The following CTF1 variants were observed in gnomAD, a reference collection of about 807,000 sequenced individuals.
CTF1 encodes the protein cardiotrophin 1, also known as cardiotrophin-1.
In CTF1, 9 loss-of-function variants were observed where a neutral mutation model predicts 10.9. The observed-to-expected ratio is 0.83, with a 90% CI of 0.50 to 1.44. The LOEUF (loss-of-function observed/expected upper bound fraction) is 1.44. CTF1 is among the 40% of genes most tolerant of loss of function. The probability of loss-of-function intolerance (pLI) is 0.00; values close to 1 mark genes in which losing one functional copy is unlikely to be tolerated. For synonymous variants in CTF1, 133 were observed against 138.8 expected (o/e 0.96, Z 0.29); for missense variants, 259 against 275.3 (o/e 0.94, Z 0.42).
upstream of CTF1, among the ~76,000 whole-genome samples, chr16:30,896,152 A>G (rs1181787782): frequency 6.6e-6 from 1 of 152,022 alleles, no homozygotes; most frequent in Non-Finnish European, 1.5e-5. Flanking sequence ...TGAGATTGGA[A>G]GCCATCTAAG....
At chr16:30,900,448 G>C (rs2055391331) in intron 2 of CTF1, among the ~76,000 whole-genome samples, 1 of 152,156 alleles carries the variant, frequency 6.6e-6, no homozygotes, top group Non-Finnish European at 1.5e-5. Flanking sequence ...GCAGCGGATA[G>C]TGGGAGAATA....
At chr16:30,901,183 G>T (rs1276330614) in intron 2 of CTF1, among the ~76,000 whole-genome samples, 3 of 152,136 alleles carry the variant, frequency 2.0e-5, no homozygotes, top group African/African-American at 4.8e-5. Context: ...GTGAGTCACC[G>T]TGCCCAGCCC....
At chr16:30,899,334 C>T in intron 1 of CTF1, 81 bp from the exon 2 acceptor site, 1 of 894,356 alleles carries the variant, frequency 1.1e-6, no homozygotes, top group Non-Finnish European at 1.9e-6. Context: ...CTGATGGGGT[C>T]AGGAACAAAG....
Position 30,902,226 on chromosome 16 carries a change from C to T in CTF1, c.293C>T (p.Pro98Leu), listed in dbSNP as rs1567331279. The change falls in exon 3 of 3, where the codon CCC becomes CTC. Residue 98 changes from proline (P) to leucine (L), a missense_variant. By Grantham distance (98) the Pro-to-Leu change is moderately conservative. Transcript: ENST00000279804. ...RLDAAALAAL[P>L]PLLDAVCRRQ... ...GACGCGGCGGCGCTGGCCGCGCTGC[C>T]CCCGCTGCTGGACGCAGTGTGTCGC... 3 of 1,145,320 alleles carry T rather than the reference C, an allele frequency of 2.6e-6. No individual in the cohort carries two copies. The highest frequency in any genetic ancestry group is 3.2e-6 in the Non-Finnish European group (3 of 935,108). 70.9% of individuals were successfully genotyped at this position (1,145,320 alleles called of 1,614,324 possible). A position where few individuals can be genotyped will look rare whatever the true frequency, so the allele number is the denominator to read the frequency against.
upstream of CTF1, among the ~76,000 whole-genome samples, chr16:30,896,444 G>A (rs1567329279): frequency 1.3e-5 from 2 of 152,092 alleles, no homozygotes; most frequent in East Asian, 3.9e-4. Context: ...CTTCCCCCTC[G>A]GGCCCCTTCC....
chr16:30,901,684 C>T lies in CTF1; in HGVS notation c.145-394C>T, dbSNP rs529510805. ...ACCTCCTGGGCTCAAGCAATCCTCCCACCTCAGCCTCAGCCTCCGGAACAG... is the reference window on the plus strand; with the variant it reads ...ACCTCCTGGGCTCAAGCAATCCTCCTACCTCAGCCTCAGCCTCCGGAACAG... On this transcript the variant is annotated intron_variant, in intron 2 of 2. Transcript: ENST00000279804. Among the ~76,000 whole-genome samples the T allele has an allele frequency of 3.3e-5, 5 of 151,978 alleles. No individual in the cohort carries two copies. The South Asian group carries it at 1.0e-3, about 32-fold the overall frequency.
intron 1 of CTF1, among the ~76,000 whole-genome samples, chr16:30,897,089 C>T (rs2055358715): frequency 7.9e-6 from 1 of 126,850 alleles, no homozygotes. Flanking sequence ...GTCTGGGCTG[C>T]TGAGGATCGC....
intron 2 of CTF1, among the ~76,000 whole-genome samples, chr16:30,901,513 G>GCCCT (rs1233274978): frequency 6.6e-6 from 1 of 152,126 alleles, no homozygotes; most frequent in Non-Finnish European, 1.5e-5. Flanking sequence ...CTGGGACCAG[G>GCCCT]CCCTGTCTTG....
chr16:30,896,096 G>A (rs1194569712), upstream of CTF1, among the ~76,000 whole-genome samples: 1 of 151,894 alleles, frequency 6.6e-6, no homozygotes, highest in African/African-American at 2.4e-5. Context: ...GGCCTGCTAA[G>A]AAGAGGAGAG....
intron 2 of CTF1, 88 bp from the exon 3 acceptor site, chr16:30,901,990 A>AC: frequency 8.5e-7 from 1 of 1,179,598 alleles, no homozygotes; most frequent in Admixed American, 3.9e-5. Flanking sequence ...GGAAACTGAC[A>AC]CCCCCAGAGA....
intron 1 of CTF1, among the ~76,000 whole-genome samples, chr16:30,899,085 G>C (rs1432087790): frequency 6.6e-6 from 1 of 152,002 alleles, no homozygotes; most frequent in Admixed American, 6.6e-5. Context: ...GTAGCAGGCT[G>C]TACCACCTAG....
intron 1 of CTF1, among the ~76,000 whole-genome samples, chr16:30,897,714 G>A (rs915172299): frequency 6.6e-6 from 1 of 152,072 alleles, no homozygotes; most frequent in African/African-American, 2.4e-5. Flanking sequence ...AATTAACCGG[G>A]CATGGTGGCG....
Position 30,902,460 on chromosome 16 carries a change from G to T in CTF1, c.527G>T (p.Arg176Leu). The change falls in exon 3 of 3, where the codon CGC becomes CTC. Residue 176 changes from arginine (R) to leucine (L), a missense_variant. Transcript: ENST00000279804. Reference sequence around the variant, plus strand: ...TTCCCCGCCAAGGTGCTGGGGCTCCGCGTTTGCGGCCTCTACCGCGAGTGG... The same window carrying T: ...TTCCCCGCCAAGGTGCTGGGGCTCCTCGTTTGCGGCCTCTACCGCGAGTGG... The part of the protein sequence containing the change: ...GVFPAKVLGL[R>L]VCGLYREWLS... 6.8e-7 allele frequency: 1 copy of T among 1,472,164 alleles called. No homozygotes were observed. Among genetic ancestry groups the T allele is most frequent in the Non-Finnish European group, 9.0e-7 (1 of 1,115,316 alleles). The allele number at this position is 1,472,164 out of a possible 1,614,324, so 91.2% of individuals were successfully genotyped here.
intron 1 of CTF1, among the ~76,000 whole-genome samples, chr16:30,897,585 A>C (rs1002629083): frequency 2.2e-4 from 33 of 152,280 alleles, no homozygotes; most frequent in African/African-American, 7.9e-4. Flanking sequence ...ACAGTCATGC[A>C]CTGCATAACA....
chr16:30,896,457 C>G (rs958012958), upstream of CTF1: 2 of 500,368 alleles, frequency 4.0e-6, no homozygotes, highest in African/African-American at 2.0e-5. Context: ...CCCCTTCCCC[C>G]ACTAGGCCCC....
intron 1 of CTF1, among the ~76,000 whole-genome samples, chr16:30,897,588 G>A (rs921930527): frequency 1.3e-5 from 2 of 152,152 alleles, no homozygotes; most frequent in African/African-American, 4.8e-5. Flanking sequence ...GTCATGCACT[G>A]CATAACAACA....
Position 30,899,542 on chromosome 16 carries a change from GAAT to G in CTF1, c.144+10_144+12del. 1.3e-6 allele frequency: 1 copy of G among 783,010 alleles called. No individual in the cohort carries two copies. Among genetic ancestry groups the G allele is most frequent in the Non-Finnish European group, 2.1e-6 (1 of 473,548 alleles). 48.5% of individuals were successfully genotyped at this position (783,010 alleles called of 1,614,324 possible). On this transcript the variant is annotated intron_variant, in intron 2 of 2. Coordinates refer to ENST00000279804, the MANE Select transcript of CTF1 (RefSeq NM_001330.5). Reference sequence around the variant, plus strand: ...AGCTGCTCCAGGAATATGTGAGTGGGAATGGGGGTGGGGGTGCCGGGGGCCTGG... The same window carrying G: ...AGCTGCTCCAGGAATATGTGAGTGGGGGGGGTGGGGGTGCCGGGGGCCTGG...
At chr16:30,901,089 C>T (rs1373227738) in intron 2 of CTF1, among the ~76,000 whole-genome samples, 2 of 152,162 alleles carry the variant, frequency 1.3e-5, no homozygotes, top group Non-Finnish European at 2.9e-5. Context: ...GATAGGGTTT[C>T]ACCATGTTGG....
At position 30,902,141 on chromosome 16, in the gene CTF1, G is replaced by T; in HGVS notation, c.208G>T (p.Gly70Cys). The change falls in exon 3 of 3, where the codon GGC becomes TGC. Residue 70 changes from glycine to cysteine, a missense_variant. Transcript: ENST00000279804. Reference sequence around the variant, plus strand: ...CTCGCCGCCGCGGCTGCCGGTGGCCGGCCTGAGCGCCCCGGCTCCGAGCCA... The same window carrying T: ...CTCGCCGCCGCGGCTGCCGGTGGCCTGCCTGAGCGCCCCGGCTCCGAGCCA... The part of the protein sequence containing the change: ...SFSPPRLPVA[G>C]LSAPAPSHAG... The T allele has an allele frequency of 7.1e-7, 1 of 1,402,748 alleles. No homozygotes were observed. 86.9% of individuals were successfully genotyped at this position (1,402,748 alleles called of 1,614,324 possible). A position where few individuals can be genotyped will look rare whatever the true frequency, so the allele number is the denominator to read the frequency against.
Sources: allele counts gnomAD v4.1 joint callset (sites outside exome capture counted in the v4.1 genomes callset), GRCh38; gene constraint gnomAD v4.1.1; transcripts MANE v1.5; gene names NCBI Gene and HGNC (gene_info 2026-07-23, HGNC 2026-07-21).